CXCL13: variants seen among roughly 807,000 people sequenced by gnomAD.
CXCL13 encodes C-X-C motif chemokine 13.
In CXCL13, 7 loss-of-function variants were observed where a neutral mutation model predicts 12.2. The ratio of observed to expected loss-of-function variants is 0.57; its 90% confidence interval spans 0.33 to 1.07. CXCL13 has a LOEUF of 1.07. CXCL13 is among the 50% of genes least tolerant of loss of function. The pLI is 0.04. For synonymous variants in CXCL13, 47 were observed against 42.4 expected, an observed-to-expected ratio of 1.11 and a Z score of -0.42; for missense variants, 113 against 127.4, an observed-to-expected ratio of 0.89 and a Z score of 0.55.
intron 1 of CXCL13, among the ~76,000 whole-genome samples, chr4:77,527,036 G>C (rs1724784309): frequency 6.6e-6 from 1 of 152,108 alleles, no homozygotes. Context: ...CTCAAGTGTG[G>C]GTGAGAGAGT....
chr4:77,601,595 G>A (rs1726881968), upstream of CXCL13, among the ~76,000 whole-genome samples: 1 of 152,198 alleles, frequency 6.6e-6, no homozygotes, highest in Admixed American at 6.5e-5. Context: ...TATCACCTAT[G>A]TGCCTACTGG....
chr4:77,543,005 G>T (rs1055173797), intron 1 of CXCL13, among the ~76,000 whole-genome samples: 1 of 152,066 alleles, frequency 6.6e-6, no homozygotes, highest in Non-Finnish European at 1.5e-5. Context: ...GCTTTTCTCA[G>T]TTGGTAGGTT....
At chr4:77,578,270 T>C (rs1478188050) in intron 1 of CXCL13, among the ~76,000 whole-genome samples, 1 of 152,166 alleles carries the variant, frequency 6.6e-6, no homozygotes, top group African/African-American at 2.4e-5. Flanking sequence ...CTCCAAACAG[T>C]CATGCAACTG....
At chr4:77,521,189 G>A (rs1395600573) in intron 1 of CXCL13, among the ~76,000 whole-genome samples, 3 of 152,064 alleles carry the variant, frequency 2.0e-5, no homozygotes, top group Non-Finnish European at 4.4e-5. Context: ...TTTTTTTGTT[G>A]TGTCTCTGCC....
chr4:77,570,881 G>A lies in CXCL13; in HGVS notation c.-42-34943G>A, dbSNP rs189682373. Among the ~76,000 whole-genome samples, 565 of 152,074 alleles carry A rather than the reference G, an allele frequency of 3.7e-3. 20 individuals carry two copies. Among genetic ancestry groups the A allele is most frequent in the African/African-American group, 0.013 (529 of 41,348 alleles). ...CCGGTGCTGCGCTCGATTTCTCACC[G>A]GGCCTTAGCTGCCTTCCCATGGGGC... On this transcript the variant is annotated intron_variant, in intron 1 of 4. Transcript: ENST00000286758.
Position 77,550,901 on chromosome 4 carries a change from A to C in CXCL13, c.-43+39113A>C, listed in dbSNP as rs538214141. ...GTCCTTTTTTACTGTTGTTGTTTTA[A>C]AGTGTTTATCTAATATCTAAAGTAT... On this transcript the variant is annotated intron_variant, in intron 1 of 4. Coordinates refer to the CXCL13 transcript ENST00000286758. Among the ~76,000 whole-genome samples, 5 of 152,254 alleles carry C rather than the reference A, an allele frequency of 3.3e-5. No homozygotes were observed. In the South Asian group the frequency reaches 8.3e-4, roughly 25 times the overall value.
rs537643806 is a variant in CXCL13, at chr4:77,532,768, C to A, written c.-43+20980C>A. On this transcript the variant is annotated intron_variant, in intron 1 of 4. Coordinates refer to the CXCL13 transcript ENST00000286758. ...TTCTTTTTATTCTTTTTTCTCTGAACTTCTCTTTTGGCTTCATTTCACTCA... is the reference window on the plus strand; with the variant it reads ...TTCTTTTTATTCTTTTTTCTCTGAAATTCTCTTTTGGCTTCATTTCACTCA... Among the ~76,000 whole-genome samples, 52 of 152,212 alleles carry A rather than the reference C, an allele frequency of 3.4e-4. 2 individuals carry two copies. Among genetic ancestry groups the A allele is most frequent in the Admixed American group, 7.2e-4 (11 of 15,278 alleles).
At chr4:77,514,173 T>C (rs1260294366) in intron 1 of CXCL13, among the ~76,000 whole-genome samples, 4 of 152,092 alleles carry the variant, frequency 2.6e-5, no homozygotes, top group Non-Finnish European at 4.4e-5. Flanking sequence ...CCATGGTGTA[T>C]ATGTGCCACA....
chr4:77,609,653 G>C (rs756797614), intron 2 of CXCL13, among the ~76,000 whole-genome samples: 31 of 152,270 alleles, frequency 2.0e-4, no homozygotes, highest in Non-Finnish European at 3.1e-4. Flanking sequence ...TAAGGAAATT[G>C]TGTTTTGTTT....
chr4:77,519,413 C>A (rs553392666), intron 1 of CXCL13, among the ~76,000 whole-genome samples: 20 of 152,126 alleles, frequency 1.3e-4, no homozygotes, highest in Non-Finnish European at 2.5e-4. Flanking sequence ...ATCTTGGCTC[C>A]TCCCCCATGA....
At chr4:77,561,383 TAA>T (rs1183681565) in intron 1 of CXCL13, among the ~76,000 whole-genome samples, 1 of 152,250 alleles carries the variant, frequency 6.6e-6, no homozygotes, top group Non-Finnish European at 1.5e-5. Flanking sequence ...CAGCTCTATA[TAA>T]AAGTGGTTCT....
Position 77,576,031 on chromosome 4 carries a change from A to G in CXCL13, c.-42-29793A>G, listed in dbSNP as rs530746640. ...CTACCCTGGACATTTTGCTACTCAC[A>G]GAAAATTGTACTGTTTTGATCCTCT... On this transcript the variant is annotated intron_variant, in intron 1 of 4. Coordinates refer to the CXCL13 transcript ENST00000286758. Among the ~76,000 whole-genome samples the G allele has an allele frequency of 4.7e-4, 71 of 151,978 alleles. 2 individuals carry two copies. Among genetic ancestry groups the G allele is most frequent in the African/African-American group, 1.7e-3 (70 of 41,260 alleles).
intron 1 of CXCL13, among the ~76,000 whole-genome samples, chr4:77,537,071 T>A (rs189174253): frequency 6.6e-6 from 1 of 152,158 alleles, no homozygotes; most frequent in Non-Finnish European, 1.5e-5. Context: ...AGCAATGACA[T>A]TCAAGGAGAA....
At chr4:77,537,917 C>A (rs1400233201) in intron 1 of CXCL13, among the ~76,000 whole-genome samples, 1 of 152,174 alleles carries the variant, frequency 6.6e-6, no homozygotes, top group African/African-American at 2.4e-5. Flanking sequence ...AGTCCTGAAG[C>A]TATTGCTTCA....
chr4:77,514,751 T>C (rs1201696975), intron 1 of CXCL13, among the ~76,000 whole-genome samples: 2 of 152,246 alleles, frequency 1.3e-5, no homozygotes, highest in African/African-American at 4.8e-5. Context: ...TCCCATTTTG[T>C]GGGATGCCTG....
At position 77,520,655 on chromosome 4, in the gene CXCL13, C is replaced by T. The variant is rs1403304967; in HGVS notation, c.-43+8867C>T. Among the ~76,000 whole-genome samples the T allele has an allele frequency of 3.3e-5, 5 of 152,288 alleles. 1 individual carries two copies. Among genetic ancestry groups the T allele is most frequent in the African/African-American group, 9.6e-5 (4 of 41,564 alleles). The stretch of plus-strand genomic sequence containing the variant: ...TTTTCTAAATATACAATCATATCAT[C>T]CTCAAACAGGGACAATGTGACTTCC... On this transcript the variant is annotated intron_variant, in intron 1 of 4. Coordinates refer to the CXCL13 transcript ENST00000286758.
intron 1 of CXCL13, among the ~76,000 whole-genome samples, chr4:77,590,190 T>C (rs1726573173): frequency 6.6e-6 from 1 of 152,188 alleles, no homozygotes; most frequent in Admixed American, 6.5e-5. Context: ...TAAATTTATA[T>C]ATAAATTGCT....
upstream of CXCL13, among the ~76,000 whole-genome samples, chr4:77,605,457 ATATATC>A (rs1726978790): frequency 1.3e-5 from 2 of 152,132 alleles, no homozygotes; most frequent in Non-Finnish European, 2.9e-5. Flanking sequence ...GTCATGGAGT[ATATATC>A]TAATGCCACT....
chr4:77,524,352 G>C (rs1283817076), intron 1 of CXCL13, among the ~76,000 whole-genome samples: 1 of 152,224 alleles, frequency 6.6e-6, no homozygotes, highest in African/African-American at 2.4e-5. Context: ...AGTCTATAGA[G>C]GCAGTAGGCC....
Sources: allele counts gnomAD v4.1 joint callset (sites outside exome capture counted in the v4.1 genomes callset), GRCh38; gene constraint gnomAD v4.1.1; transcripts MANE v1.5; gene names NCBI Gene and HGNC (gene_info 2026-07-23, HGNC 2026-07-21).